The following PPFIA2 variants were observed in gnomAD, a reference collection of about 807,000 sequenced individuals.
PPFIA2 encodes the protein liprin-alpha-2.
In PPFIA2, 46 loss-of-function variants were observed where a neutral mutation model predicts 175.5. The observed-to-expected ratio is 0.26, with a 90% CI of 0.21 to 0.34. The LOEUF is 0.34. Ranked by LOEUF, PPFIA2 falls within the 10% of genes least tolerant of loss-of-function variation. The pLI is 1.00. For synonymous variants in PPFIA2, 568 were observed against 511.4 expected (o/e 1.11, Z -1.49); for missense variants, 1,179 against 1,506.1 (o/e 0.78, Z 3.60).
chr12:81,355,239 T>C (rs1347482715), intron 16 of PPFIA2, among the ~76,000 whole-genome samples: 2 of 152,128 alleles, frequency 1.3e-5, no homozygotes, highest in Non-Finnish European at 1.5e-5. Flanking sequence ...TGTTAATAAG[T>C]AGTAATATTT....
intron 4 of PPFIA2, among the ~76,000 whole-genome samples, chr12:81,553,573 T>C (rs1367339163): frequency 2.0e-5 from 3 of 152,032 alleles, no homozygotes; most frequent in Non-Finnish European, 4.4e-5. Context: ...GTAGCCCTAA[T>C]CCTGGACCTC....
chr12:81,465,140 G>C (rs1336517971), intron 4 of PPFIA2: 1 of 152,072 alleles, frequency 6.6e-6, no homozygotes, highest in Non-Finnish European at 1.5e-5. Context: ...CATTCATCTT[G>C]ATTACAATTT....
chr12:81,505,433 C>A lies in PPFIA2; in HGVS notation c.304-47567G>T, dbSNP rs952740983. ...AAATCTTGGTGATTAATCAAAAGGT[C>A]AGAATCCGTTACTCTATTTCCTTTC... is the stretch of plus-strand genomic sequence containing the variant. On this transcript the variant is annotated intron_variant, in intron 4 of 32. Coordinates refer to ENST00000549396, the MANE Select transcript of PPFIA2 (RefSeq NM_003625.5). Among the ~76,000 whole-genome samples the A allele has an allele frequency of 2.6e-5, 4 of 152,220 alleles. No homozygotes were observed. In the East Asian group the frequency reaches 7.7e-4, roughly 29 times the overall value.
intron 4 of PPFIA2, among the ~76,000 whole-genome samples, chr12:81,572,175 G>C (rs151049456): frequency 1.3e-5 from 2 of 151,930 alleles, no homozygotes; most frequent in Non-Finnish European, 2.9e-5. Flanking sequence ...TCCTTGTCTA[G>C]AGCACTCCAC....
intron 4 of PPFIA2, among the ~76,000 whole-genome samples, chr12:81,576,480 G>A (rs571289335): frequency 5.3e-5 from 8 of 151,592 alleles, no homozygotes; most frequent in Non-Finnish European, 7.4e-5. Flanking sequence ...TAAAACAACC[G>A]TTGCTGACCC....
intron 4 of PPFIA2, among the ~76,000 whole-genome samples, chr12:81,588,910 C>A (rs928760759): frequency 3.9e-5 from 6 of 151,988 alleles, no homozygotes; most frequent in African/African-American, 1.4e-4. Context: ...CTTCCAATTT[C>A]TTTCCCCTCC....
intron 4 of PPFIA2, among the ~76,000 whole-genome samples, chr12:81,496,703 C>T (rs2060063834): frequency 6.6e-6 from 1 of 152,130 alleles, no homozygotes; most frequent in Admixed American, 6.5e-5. Context: ...CTCTAACCCT[C>T]TGGGATAGAA....
chr12:81,590,340 G>A (rs1212878720), intron 4 of PPFIA2, among the ~76,000 whole-genome samples: 1 of 152,068 alleles, frequency 6.6e-6, no homozygotes, highest in Non-Finnish European at 1.5e-5. Flanking sequence ...CTCTTAGGTA[G>A]CAACAAAATG....
intron 22 of PPFIA2, among the ~76,000 whole-genome samples, chr12:81,303,651 T>A (rs544793827): frequency 5.9e-5 from 9 of 152,248 alleles, no homozygotes; most frequent in African/African-American, 2.2e-4. Flanking sequence ...AGGCCCAACA[T>A]GTGGTGAGCA....
chr12:81,447,693 T>G (rs1353062137), intron 5 of PPFIA2, among the ~76,000 whole-genome samples: 2 of 152,180 alleles, frequency 1.3e-5, no homozygotes, highest in African/African-American at 2.4e-5. Context: ...AAAAGCTCCA[T>G]GAGAGTTGGC....
At chr12:81,323,255 T>A (rs991243181) in intron 22 of PPFIA2, among the ~76,000 whole-genome samples, 1 of 152,008 alleles carries the variant, frequency 6.6e-6, no homozygotes, top group African/African-American at 2.4e-5. Context: ...CAAAGACTAA[T>A]GAATCTCTGC....
At chr12:81,718,581 C>T (rs1395794292) in intron 3 of PPFIA2, among the ~76,000 whole-genome samples, 2 of 151,604 alleles carry the variant, frequency 1.3e-5, no homozygotes, top group African/African-American at 4.8e-5. Flanking sequence ...TCTCAAAAAC[C>T]ATCTGGTCTA....
intron 4 of PPFIA2, among the ~76,000 whole-genome samples, chr12:81,521,813 A>C: frequency 6.7e-6 from 1 of 148,442 alleles, no homozygotes. Flanking sequence ...GAGCAACTCC[A>C]TCTCACAAAA....
chr12:81,701,272 G>T (rs913884577), intron 3 of PPFIA2, among the ~76,000 whole-genome samples: 2 of 152,148 alleles, frequency 1.3e-5, no homozygotes, highest in African/African-American at 4.8e-5. Flanking sequence ...AAGTGTAGCT[G>T]CTGTAACTGC....
chr12:81,738,964 A>G (rs528364133), intron 3 of PPFIA2, among the ~76,000 whole-genome samples: 4 of 152,060 alleles, frequency 2.6e-5, no homozygotes, highest in East Asian at 1.9e-4. Flanking sequence ...CAGATTAAAT[A>G]GAATTCAAGG....
chr12:81,299,973 G>A (rs538651623), intron 22 of PPFIA2, among the ~76,000 whole-genome samples: 3 of 152,154 alleles, frequency 2.0e-5, no homozygotes, highest in East Asian at 3.9e-4. Context: ...TCTAACACTC[G>A]AAAGCAATGT....
At chr12:81,273,074 C>A (rs2039556779) in intron 28 of PPFIA2, among the ~76,000 whole-genome samples, 1 of 151,916 alleles carries the variant, frequency 6.6e-6, no homozygotes, top group African/African-American at 2.4e-5. Context: ...GTGGTTATGA[C>A]CTTTGATTTT....
intron 4 of PPFIA2, among the ~76,000 whole-genome samples, chr12:81,590,282 C>T (rs919909869): frequency 6.6e-6 from 1 of 151,996 alleles, no homozygotes; most frequent in Non-Finnish European, 1.5e-5. Flanking sequence ...AATTTATCTA[C>T]CATAAGAAGT....
chr12:81,543,409 C>CA (rs1185103632), intron 4 of PPFIA2, among the ~76,000 whole-genome samples: 1 of 151,442 alleles, frequency 6.6e-6, no homozygotes, highest in Non-Finnish European at 1.5e-5. Context: ...TTTTGAGCAA[C>CA]AAAAAAGGCA....
Sources: allele counts gnomAD v4.1 joint callset (sites outside exome capture counted in the v4.1 genomes callset), GRCh38; gene constraint gnomAD v4.1.1; transcripts MANE v1.5; gene names NCBI Gene and HGNC (gene_info 2026-07-23, HGNC 2026-07-21).